Variants in EIF3K observed in about 807,000 individuals in gnomAD.
The protein encoded by EIF3K is eIF-3 p28.
Under a neutral mutation model 34.2 loss-of-function variants are expected in EIF3K, and 27 were observed. The ratio of observed to expected loss-of-function variants is 0.79; its 90% confidence interval spans 0.58 to 1.09. The LOEUF is 1.09. Among genes scored for constraint, EIF3K ranks in the 50% least tolerant of loss-of-function variants. EIF3K has a pLI of 0.00. For synonymous variants in EIF3K, 105 were observed against 105.7 expected, an observed-to-expected ratio of 0.99 and a Z score of 0.04; for missense variants, 232 against 275.4, an observed-to-expected ratio of 0.84 and a Z score of 1.11.
At chr19:38,633,043 C>A in intron 6 of EIF3K, 1 of 230,042 alleles carries the variant, frequency 4.3e-6, no homozygotes, top group Non-Finnish European at 8.5e-6. Context: ...AGCTCACAGA[C>A]CAGCGGCATC....
chr19:38,634,971 T>C, intron 6 of EIF3K, 22 bp from the exon 7 acceptor site: 3 of 1,613,908 alleles, frequency 1.9e-6, no homozygotes, highest in Non-Finnish European at 2.5e-6. Context: ...CTGAAGCCCC[T>C]TGCTGCCCCT....
rs78751736 is a variant in EIF3K at position 38,632,487 on chromosome 19, G to A, written c.412G>A (p.Val138Ile). The change falls in exon 5 of 8, where the codon GTC (valine) becomes ATC (isoleucine). Residue 138 changes from valine (V) to isoleucine (I), a missense_variant. Physicochemically the swap from Val to Ile is conservative, Grantham distance 29 (BLOSUM62 3). Transcript: ENST00000248342. ...AGGTATAACTGGCTTTGAAGACTCT[G>A]TCCGAAAGTGTAAGTCCCTCTCTGA... is the stretch of plus-strand genomic sequence containing the variant. ...LEGITGFEDSVRKFICHVVGI... is the reference protein window; with the variant it reads ...LEGITGFEDSIRKFICHVVGI... 7.7e-4 allele frequency: 1,242 copies of A among 1,614,206 alleles called. 6 individuals carry two copies. The African/African-American group carries it at 0.015, about 19-fold the overall frequency.
Position 38,633,966 on chromosome 19 carries a change from G to A in EIF3K, c.500-1027G>A, listed in dbSNP as rs1033568444. Reference sequence around the variant, plus strand: ...CACTCTGGGCACTTTTAGTAGAGAAGGAGTTTGACCATGTTGGCCAGGCTG... The same window carrying A: ...CACTCTGGGCACTTTTAGTAGAGAAAGAGTTTGACCATGTTGGCCAGGCTG... On this transcript the variant is annotated intron_variant, in intron 6 of 7. Coordinates refer to ENST00000248342, the MANE Select transcript of EIF3K (RefSeq NM_013234.4). 2.8e-4 allele frequency among the ~76,000 whole-genome samples: 43 copies of A among 151,136 alleles called. No homozygotes were observed. In the South Asian group the frequency reaches 3.0e-3, roughly 11 times the overall value.
chr19:38,632,323 C>A, intron 4 of EIF3K, 107 bp from the exon 5 acceptor site: 1 of 1,088,110 alleles, frequency 9.2e-7, no homozygotes, highest in Non-Finnish European at 1.3e-6. Flanking sequence ...CCCAGAAATT[C>A]AAGACCAGCC....
chr19:38,626,273 G>C (rs1275206278), intron 4 of EIF3K, 171 bp downstream of exon 4: 1 of 664,722 alleles, frequency 1.5e-6, no homozygotes, highest in African/African-American at 1.8e-5. Context: ...GTACTCACAG[G>C]TCATCCCCGT....
intron 4 of EIF3K, 26 bp downstream of exon 4, chr19:38,626,128 G>A (rs766322426): frequency 1.2e-6 from 2 of 1,606,838 alleles, no homozygotes; most frequent in Non-Finnish European, 1.7e-6. Context: ...TCCAGGGGCA[G>A]GGGAGATGGC....
chr19:38,632,210 G>A, intron 4 of EIF3K: 1 of 522,332 alleles, frequency 1.9e-6, no homozygotes, highest in Non-Finnish European at 3.4e-6. Flanking sequence ...GAGCCCAGGA[G>A]TTTGAGATCA....
intron 4 of EIF3K, 22 bp downstream of exon 4, chr19:38,626,124 G>A (rs1360711642): frequency 1.2e-6 from 2 of 1,611,274 alleles, no homozygotes; most frequent in South Asian, 1.1e-5. Context: ...GGGGTCCAGG[G>A]GCAGGGGAGA....
In EIF3K at chr19:38,632,679, G is replaced by T. The variant is rs1335795187; in HGVS notation, c.499+1G>T. ...GCCGAGATGCTCGGGGATCTGTCGG[G>T]TAACGCCCTCTGGGTCCTGGTGCAC... is the stretch of plus-strand genomic sequence containing the variant. On this transcript the variant is annotated splice_donor_variant, in intron 6 of 7. Coordinates refer to ENST00000248342, the MANE Select transcript of EIF3K (RefSeq NM_013234.4). LOFTEE classifies it high-confidence loss of function. 3 of 1,611,162 alleles carry T rather than the reference G, an allele frequency of 1.9e-6. No individual in the cohort carries two copies. Among genetic ancestry groups the T allele is most frequent in the Non-Finnish European group, 2.5e-6 (3 of 1,178,582 alleles).
At chr19:38,635,403 T>C in intron 7 of EIF3K, 1 of 476,768 alleles carries the variant, frequency 2.1e-6, no homozygotes. Context: ...TCTGCACCCT[T>C]ATTTGTCCCT....
Position 38,636,772 on chromosome 19 carries a change from CTG to C in EIF3K, c.626-116_626-115del, listed in dbSNP as rs1976200931. ...CACCAAACTGCCTTTGTGATGGTAA[CTG>C]GGGCCTGGAAGGAGTTTATGATCTC... is the stretch of plus-strand genomic sequence containing the variant. On this transcript the variant is annotated intron_variant, in intron 7 of 7. Coordinates refer to ENST00000248342, the MANE Select transcript of EIF3K (RefSeq NM_013234.4). 3.3e-6 allele frequency: 4 copies of C among 1,207,432 alleles called. No individual in the cohort carries two copies. The South Asian group carries it at 3.7e-5, about 11-fold the overall frequency. The allele number at this position is 1,207,432 out of a possible 1,614,324, so 74.8% of individuals were successfully genotyped here.
chr19:38,624,776 T>C (rs974396140), intron 3 of EIF3K, among the ~76,000 whole-genome samples: 1 of 151,650 alleles, frequency 6.6e-6, no homozygotes, highest in Non-Finnish European at 1.5e-5. Flanking sequence ...ACCTGACCAT[T>C]TGGGTGGGGG....
At chr19:38,634,875 T>C in intron 6 of EIF3K, 118 bp from the exon 7 acceptor site, 2 of 1,436,338 alleles carry the variant, frequency 1.4e-6, no homozygotes, top group African/African-American at 1.4e-5. Context: ...GTCCAGGAGA[T>C]GTCAGTGGGC....
intron 4 of EIF3K, among the ~76,000 whole-genome samples, chr19:38,630,328 A>ATTAT (rs1191157434): frequency 7.5e-5 from 11 of 146,076 alleles, no homozygotes; most frequent in Middle Eastern, 3.5e-3. Flanking sequence ...ACCCGGTTTA[A>ATTAT]TTATTTATTT....
intron 2 of EIF3K, 143 bp downstream of exon 2, chr19:38,620,578 G>A (rs916387505): frequency 5.3e-6 from 4 of 748,802 alleles, no homozygotes; most frequent in South Asian, 1.7e-5. Flanking sequence ...AAGGAAGTTG[G>A]GACAGGAGGA....
chr19:38,622,247 C>T (rs574757923), intron 2 of EIF3K, among the ~76,000 whole-genome samples: 102 of 150,044 alleles, frequency 6.8e-4, no homozygotes, highest in Admixed American at 3.0e-3. Flanking sequence ...CTGTACGTAT[C>T]GGGGGGCCTG....
intron 2 of EIF3K, among the ~76,000 whole-genome samples, chr19:38,623,449 G>T (rs1018308187): frequency 6.6e-6 from 1 of 150,642 alleles, no homozygotes; most frequent in Non-Finnish European, 1.5e-5. Context: ...GATTACAGGC[G>T]TGAGCCACTG....
At chr19:38,626,001 G>C (rs1568653082) in intron 3 of EIF3K, 27 bp from the exon 4 acceptor site, 1 of 1,613,646 alleles carries the variant, frequency 6.2e-7, no homozygotes, top group Non-Finnish European at 8.5e-7. Flanking sequence ...TCCGAGGCCA[G>C]TTTTCCTTAA....
rs138557958 is a variant in EIF3K, at chr19:38,627,277, C to T, written c.354+1175C>T. Reference sequence around the variant, plus strand: ...CTGGGATTATAGGCGTGAACCACCACGCCGGGCCAGAAACCCCCAGTTTTG... The same window carrying T: ...CTGGGATTATAGGCGTGAACCACCATGCCGGGCCAGAAACCCCCAGTTTTG... On this transcript the variant is annotated intron_variant, in intron 4 of 7. Transcript: ENST00000248342. Among the ~76,000 whole-genome samples, 72 of 152,146 alleles carry T rather than the reference C, an allele frequency of 4.7e-4. 1 individual carries two copies. The East Asian group carries it at 0.012, about 26-fold the overall frequency.
Sources: allele counts gnomAD v4.1 joint callset (sites outside exome capture counted in the v4.1 genomes callset), GRCh38; gene constraint gnomAD v4.1.1; transcripts MANE v1.5; gene names NCBI Gene and HGNC (gene_info 2026-07-23, HGNC 2026-07-21).